The following BMPR1A variants were observed in gnomAD, a reference collection of about 807,000 sequenced individuals.
BMPR1A encodes bone morphogenetic protein receptor type-1A.
BMPR1A carries 7 observed loss-of-function variants against 66.0 expected under a neutral mutation model. That is an observed-to-expected ratio of 0.11 (90% CI 0.06 to 0.20). The LOEUF (loss-of-function observed/expected upper bound fraction) is 0.20, where lower values mean the gene tolerates loss of function less well. Among genes scored for constraint, BMPR1A ranks in the 10% least tolerant of loss-of-function variants. The pLI, the probability that BMPR1A is intolerant of heterozygous loss-of-function variation, is 1.00. For missense variants in BMPR1A, 408 were observed against 669.1 expected, an observed-to-expected ratio of 0.61 and a Z score of 4.31; for synonymous variants, 200 against 229.7, an observed-to-expected ratio of 0.87 and a Z score of 1.17.
intron 1 of BMPR1A, among the ~76,000 whole-genome samples, chr10:86,820,425 A>C (rs1295791626): frequency 1.1e-4 from 17 of 148,494 alleles, no homozygotes; most frequent in Non-Finnish European, 1.3e-4. Context: ...AAAGTCTGTC[A>C]GTTTTTTCTG....
intron 1 of BMPR1A, among the ~76,000 whole-genome samples, chr10:86,835,196 C>T (rs768073120): frequency 2.0e-5 from 3 of 149,794 alleles, no homozygotes; most frequent in Non-Finnish European, 3.0e-5. Flanking sequence ...GACCGTGCCA[C>T]TGCACTCCAG....
At chr10:86,855,134 C>G (rs1842623086) in intron 2 of BMPR1A, 1 of 346,418 alleles carries the variant, frequency 2.9e-6, no homozygotes, top group African/African-American at 2.1e-5. Context: ...GGTTTCACAT[C>G]AGGTCTCGAA....
At chr10:86,775,304 AAACCTGCCTAT>A (rs1488002844) in intron 1 of BMPR1A, among the ~76,000 whole-genome samples, 1 of 152,224 alleles carries the variant, frequency 6.6e-6, no homozygotes, top group Non-Finnish European at 1.5e-5. Context: ...ACATCTGATA[AAACCTGCCTAT>A]TAATCTTTGG....
chr10:86,877,127 T>C (rs1054476152), intron 3 of BMPR1A, among the ~76,000 whole-genome samples: 1 of 152,210 alleles, frequency 6.6e-6, no homozygotes, highest in African/African-American at 2.4e-5. Flanking sequence ...TTTTTCCTAA[T>C]GTTTTGATCA....
intron 2 of BMPR1A, among the ~76,000 whole-genome samples, chr10:86,840,830 T>C (rs560438538): frequency 6.6e-6 from 1 of 152,346 alleles, no homozygotes; most frequent in Admixed American, 6.5e-5. Context: ...AGTGAAGTCC[T>C]GTCAGTTTTA....
intron 1 of BMPR1A, among the ~76,000 whole-genome samples, chr10:86,769,413 G>A (rs1390611846): frequency 2.6e-5 from 4 of 152,186 alleles, no homozygotes; most frequent in Admixed American, 2.0e-4. Flanking sequence ...ACAACATAGC[G>A]AGACCCTGTC....
rs1433576883 is a variant in BMPR1A at position 86,875,974 on chromosome 10, C to T, written c.-45C>T. On this transcript the variant is annotated 5_prime_UTR_variant, in exon 3 of 13. Transcript: ENST00000372037. The stretch of plus-strand genomic sequence containing the variant: ...ATTTAAATTGGTGAAGTAGCAAGAC[C>T]AATTATTAAAGGTGACAGTACACAG... 6.7e-7 allele frequency: 1 copy of T among 1,481,944 alleles called. No homozygotes were observed. Among genetic ancestry groups the T allele is most frequent in the Non-Finnish European group, 9.4e-7 (1 of 1,063,674 alleles). The allele number at this position is 1,481,944 out of a possible 1,614,324, so 91.8% of individuals were successfully genotyped here.
rs12784747 is a variant in BMPR1A, at chr10:86,850,278, G to A, written c.-153+11299G>A. Among the ~76,000 whole-genome samples the A allele has an allele frequency of 6.0e-3, 904 of 150,844 alleles. 6 individuals are homozygous for A. The highest frequency in any genetic ancestry group is 0.031 in the Middle Eastern group (9 of 292). ...GGAGGTTGCAGTGAGCTGAGATAGC[G>A]CCACCGCACTCCAGCCTGGGTGACA... On this transcript the variant is annotated intron_variant, in intron 2 of 12. Coordinates refer to ENST00000372037, the MANE Select transcript of BMPR1A (RefSeq NM_004329.3).
Position 86,866,399 on chromosome 10 carries a change from C to CTTTTTTTTTTTTCTT in BMPR1A, c.-152-9456_-152-9455insCTTTTTTTTTTTTTT, listed in dbSNP as rs1842785864. ...TGTGTTAAGTTGGGCAAGTTTCTTT[C>CTTTTTTTTTTTTCTT]TTTTTTTTTTTTTTTTTTTTTTTTT... On this transcript the variant is annotated intron_variant, in intron 2 of 12. Transcript: ENST00000372037. Among the ~76,000 whole-genome samples the CTTTTTTTTTTTTCTT allele has an allele frequency of 3.6e-3, 251 of 69,456 alleles. 17 individuals carry two copies. Among genetic ancestry groups the CTTTTTTTTTTTTCTT allele is most frequent in the African/African-American group, 0.013 (243 of 18,798 alleles). 45.6% of individuals were successfully genotyped at this position (69,456 alleles called of 152,430 possible). A position where few individuals can be genotyped will look rare whatever the true frequency, so the allele number is the denominator to read the frequency against.
intron 1 of BMPR1A, among the ~76,000 whole-genome samples, chr10:86,784,770 C>T (rs1468702528): frequency 6.6e-6 from 1 of 152,070 alleles, no homozygotes; most frequent in Non-Finnish European, 1.5e-5. Flanking sequence ...TCCATTTCTT[C>T]TAGGTTGTCT....
chr10:86,763,099 T>C (rs1054643566), intron 1 of BMPR1A, among the ~76,000 whole-genome samples: 1 of 152,172 alleles, frequency 6.6e-6, no homozygotes, highest in African/African-American at 2.4e-5. Context: ...TTTCGCTGTG[T>C]TGGTCAGGCT....
intron 10 of BMPR1A, among the ~76,000 whole-genome samples, chr10:86,920,174 A>C (rs1843641689): frequency 6.6e-6 from 1 of 152,206 alleles, no homozygotes; most frequent in African/African-American, 2.4e-5. Context: ...CATATATTAT[A>C]TATTTGATCC....
At chr10:86,808,193 C>A (rs1405018438) in intron 1 of BMPR1A, among the ~76,000 whole-genome samples, 1 of 152,038 alleles carries the variant, frequency 6.6e-6, no homozygotes, top group Non-Finnish European at 1.5e-5. Flanking sequence ...AATTTTTAAT[C>A]ATGTTTGTTC....
rs192418613 is a variant in BMPR1A, at chr10:86,782,360, T to G, written c.-268+25441T>G. Among the ~76,000 whole-genome samples the G allele has an allele frequency of 1.2e-4, 18 of 152,338 alleles. No individual in the cohort carries two copies. The East Asian group carries it at 3.3e-3, about 28-fold the overall frequency. On this transcript the variant is annotated intron_variant, in intron 1 of 12. Transcript: ENST00000372037. ...TTAGATATATACTGAGAAGTGGGAT[T>G]TCTGGATCATCTGGTATTCCATTTT...
chr10:86,876,486 G>A (rs1477183666), intron 3 of BMPR1A, among the ~76,000 whole-genome samples: 1 of 152,086 alleles, frequency 6.6e-6, no homozygotes, highest in Non-Finnish European at 1.5e-5. Context: ...AATAATAATT[G>A]AAAAATCATT....
At chr10:86,897,010 T>C (rs577212044) in intron 5 of BMPR1A, among the ~76,000 whole-genome samples, 2 of 152,304 alleles carry the variant, frequency 1.3e-5, no homozygotes, top group East Asian at 3.9e-4. Context: ...CAGATGTGAG[T>C]GCCTCTCACC....
At chr10:86,855,460 T>A in intron 2 of BMPR1A, 1 of 585,000 alleles carries the variant, frequency 1.7e-6, no homozygotes, top group Non-Finnish European at 3.1e-6. Context: ...ATTTCTGACC[T>A]ACTGTATTTA....
At chr10:86,860,336 A>C (rs189723183) in intron 2 of BMPR1A, among the ~76,000 whole-genome samples, 4 of 152,198 alleles carry the variant, frequency 2.6e-5, no homozygotes, top group Non-Finnish European at 5.9e-5. Flanking sequence ...GTTTTTATAT[A>C]TCTGTAGAAA....
At chr10:86,790,683 G>A (rs1458580420) in intron 1 of BMPR1A, among the ~76,000 whole-genome samples, 2 of 152,124 alleles carry the variant, frequency 1.3e-5, no homozygotes, top group African/African-American at 2.4e-5. Flanking sequence ...GTTGAAAGAA[G>A]TCAGTCACAA....
Sources: gnomAD v4.1 joint callset for allele counts (sites outside exome capture counted in the v4.1 genomes callset) on GRCh38, gnomAD v4.1.1 for gene constraint, MANE v1.5 for transcripts, NCBI Gene and HGNC (gene_info 2026-07-23, HGNC 2026-07-21) for gene names.